The following UGT2B17 variants were observed in gnomAD, a reference collection of about 807,000 sequenced individuals.
UGT2B17 encodes UDP glucuronosyltransferase family 2 member B17.
UGT2B17 carries 21 observed loss-of-function variants against 48.2 expected under a neutral mutation model. The ratio of observed to expected loss-of-function variants is 0.44; its 90% CI spans 0.31 to 0.63. UGT2B17 has a LOEUF of 0.63. Ranked by LOEUF, UGT2B17 falls within the 20% of genes least tolerant of loss-of-function variation. UGT2B17 has a pLI of 0.08. For missense variants in UGT2B17, 402 were observed against 696.1 expected (o/e 0.58, Z 4.75); for synonymous variants, 146 against 238.4 (o/e 0.61, Z 3.57).
rs1428061793 is a variant in UGT2B17, at chr4:68,540,480, T to A, written c.1314-2576A>T. Among the ~76,000 whole-genome samples, 8 of 125,680 alleles carry A rather than the reference T, an allele frequency of 6.4e-5. 2 individuals carry two copies. The highest frequency in any genetic ancestry group is 1.2e-4 in the Non-Finnish European group (7 of 59,272). 82.5% of individuals were successfully genotyped at this position (125,680 alleles called of 152,430 possible). A position where few individuals can be genotyped will look rare whatever the true frequency, so the allele number is the denominator to read the frequency against. On this transcript the variant is annotated intron_variant, in intron 6 of 6. Transcript: ENST00000317746. The stretch of plus-strand genomic sequence containing the variant: ...CTGGGACTACAGGTGCACACCACCA[T>A]GCCTAGCTAATTTTTGTATTTTTAG...
At position 68,545,382 on chromosome 4, in the gene UGT2B17, C is replaced by A. The variant is rs1730778475; in HGVS notation, c.1313+5295G>T. On this transcript the variant is annotated intron_variant, in intron 6 of 6. Transcript: ENST00000317746. ...AGATGTTCTTTGAAACCAACGAGAA[C>A]AAAGACACAACATACCAGAATCTCT... Among the ~76,000 whole-genome samples, 2 of 125,146 alleles carry A rather than the reference C, an allele frequency of 1.6e-5. 1 individual carries two copies. The highest frequency in any genetic ancestry group is 3.4e-5 in the Non-Finnish European group (2 of 59,318). 82.1% of individuals were successfully genotyped at this position (125,146 alleles called of 152,430 possible).
In UGT2B17 at chr4:68,574,099, T is replaced by A. The variant is rs539958634; in HGVS notation, c.-65+1852A>T. ...ACAATTGCTTTTGTTTATTGTGTAGTTGGAATATTTGATCCATTTCAACCA... is the reference window on the plus strand; with the variant it reads ...ACAATTGCTTTTGTTTATTGTGTAGATGGAATATTTGATCCATTTCAACCA... On this transcript the variant is annotated intron_variant, in intron 1 of 6. Coordinates refer to ENST00000317746, the MANE Select transcript of UGT2B17 (RefSeq NM_001077.4). Among the ~76,000 whole-genome samples the A allele has an allele frequency of 3.3e-4, 42 of 127,088 alleles. 10 individuals are homozygous for A. Among genetic ancestry groups the A allele is most frequent in the African/African-American group, 1.1e-3 (40 of 37,022 alleles). The allele number at this position is 127,088 out of a possible 152,430, so 83.4% of individuals were successfully genotyped here.
In UGT2B17 at chr4:68,575,976, G is replaced by A. The variant is rs777519324; in HGVS notation, c.-90C>T. Among the ~76,000 whole-genome samples the A allele has an allele frequency of 8.7e-5, 11 of 126,826 alleles. 1 individual carries two copies. The highest frequency in any genetic ancestry group is 1.8e-4 in the Non-Finnish European group (11 of 59,720). The allele number at this position is 126,826 out of a possible 152,430, so 83.2% of individuals were successfully genotyped here. A position where few individuals can be genotyped will look rare whatever the true frequency, so the allele number is the denominator to read the frequency against. On this transcript the variant is annotated 5_prime_UTR_variant, in exon 1 of 7. Coordinates refer to ENST00000317746, the MANE Select transcript of UGT2B17 (RefSeq NM_001077.4). ...CAAGTTCCAGATGTCCAGACTCCAA[G>A]TGCCAGTTCCTTCCCGGTGTTCAGC...
intron 5 of UGT2B17, among the ~76,000 whole-genome samples, 154 bp downstream of exon 5, chr4:68,551,670 T>C (rs756326189): frequency 1.6e-5 from 2 of 126,954 alleles, no homozygotes; most frequent in Non-Finnish European, 3.3e-5. Flanking sequence ...ATTCTTCTTA[T>C]ACTAAGACTA....
intron 3 of UGT2B17, among the ~76,000 whole-genome samples, chr4:68,563,803 C>T (rs1731145358): frequency 1.6e-5 from 2 of 125,662 alleles, no homozygotes; most frequent in Non-Finnish European, 3.4e-5. Context: ...GTTCAACTGA[C>T]TGCCCAAACT....
chr4:68,538,937 C>T, intron 6 of UGT2B17, among the ~76,000 whole-genome samples: 1 of 125,692 alleles, frequency 8.0e-6, no homozygotes, highest in Non-Finnish European at 1.7e-5. Flanking sequence ...TTGAGGTTTG[C>T]TTCTATTTCT....
chr4:68,557,198 A>G lies in UGT2B17; in HGVS notation c.1005+3339T>C, dbSNP rs559800816. ...TTAAGTTATTGTGTGCCACAGAGGT[A>G]ACAAATTTCCTTGTCCATTGTGTCT... is the stretch of plus-strand genomic sequence containing the variant. On this transcript the variant is annotated intron_variant, in intron 4 of 6. Coordinates refer to ENST00000317746, the MANE Select transcript of UGT2B17 (RefSeq NM_001077.4). Among the ~76,000 whole-genome samples the G allele has an allele frequency of 3.9e-4, 49 of 125,520 alleles. 13 individuals are homozygous for G. The South Asian group carries it at 0.015, about 38-fold the overall frequency. 82.3% of individuals were successfully genotyped at this position (125,520 alleles called of 152,430 possible). A position where few individuals can be genotyped will look rare whatever the true frequency, so the allele number is the denominator to read the frequency against.
At chr4:68,539,811 G>A (rs1560573888) in intron 6 of UGT2B17, among the ~76,000 whole-genome samples, 1 of 99,288 alleles carries the variant, frequency 1.0e-5, no homozygotes, top group Non-Finnish European at 2.0e-5. Flanking sequence ...TTGAGACAGA[G>A]TCTCTCTCTG....
chr4:68,569,456 G>T (rs1193743818), intron 1 of UGT2B17, among the ~76,000 whole-genome samples: 1 of 125,550 alleles, frequency 8.0e-6, no homozygotes, highest in African/African-American at 2.7e-5. Flanking sequence ...TAGCAGAAAG[G>T]TACTGGGAGC....
intron 3 of UGT2B17, among the ~76,000 whole-genome samples, chr4:68,563,826 T>C (rs1731145791): frequency 7.9e-6 from 1 of 126,176 alleles, no homozygotes; most frequent in Non-Finnish European, 1.7e-5. Flanking sequence ...AACATTTATA[T>C]TTAAACAAGC....
rs186146560 is a variant in UGT2B17 at position 68,548,704 on chromosome 4, G to A, written c.1313+1973C>T. Among the ~76,000 whole-genome samples, 109 of 125,252 alleles carry A rather than the reference G, an allele frequency of 8.7e-4. 26 individuals carry two copies. Among genetic ancestry groups the A allele is most frequent in the Non-Finnish European group, 1.2e-3 (72 of 59,296 alleles). 82.2% of individuals were successfully genotyped at this position (125,252 alleles called of 152,430 possible). ...TCAGCAGGGTTTTCTATTTCTCCTT[G>A]AAGAGGTCCTTCACGTACCTTGTTA... On this transcript the variant is annotated intron_variant, in intron 6 of 6. Coordinates refer to ENST00000317746, the MANE Select transcript of UGT2B17 (RefSeq NM_001077.4).
Position 68,542,483 on chromosome 4 carries a change from A to T in UGT2B17, c.1314-4579T>A, listed in dbSNP as rs1730683246. On this transcript the variant is annotated intron_variant, in intron 6 of 6. Transcript: ENST00000317746. ...GAAGAAGCCAAGATGGCCGAATAAG[A>T]ACAGCTCCAGTCTACAGCTCCCAGT... Among the ~76,000 whole-genome samples, 2 of 126,782 alleles carry T rather than the reference A, an allele frequency of 1.6e-5. 1 individual carries two copies. Among genetic ancestry groups the T allele is most frequent in the Admixed American group, 1.6e-4 (2 of 12,484 alleles). The allele number at this position is 126,782 out of a possible 152,430, so 83.2% of individuals were successfully genotyped here. A position where few individuals can be genotyped will look rare whatever the true frequency, so the allele number is the denominator to read the frequency against.
Position 68,568,398 on chromosome 4 carries a change from C to T in UGT2B17, c.87G>A (p.Trp29Ter). ...SSGSCGKVLV[W>*]PTEYSHWINM... Reference sequence around the variant, plus strand: ...TTATCCAATGGCTGTATTCTGTGGGCCACACCAGCACCTTTCCACAACTCC... The same window carrying T: ...TTATCCAATGGCTGTATTCTGTGGGTCACACCAGCACCTTTCCACAACTCC... The change falls in exon 2 of 7, where the codon TGG (tryptophan) becomes TGA (stop). Residue 29 changes from tryptophan to a stop codon, truncating the protein, a stop_gained. Coordinates refer to ENST00000317746, the MANE Select transcript of UGT2B17 (RefSeq NM_001077.4). LOFTEE classifies it high-confidence loss of function. 7.3e-7 allele frequency: 1 copy of T among 1,377,430 alleles called. No individual in the cohort carries two copies. Among genetic ancestry groups the T allele is most frequent in the Non-Finnish European group, 9.5e-7 (1 of 1,054,600 alleles). 85.3% of individuals were successfully genotyped at this position (1,377,430 alleles called of 1,614,324 possible).
At chr4:68,568,947 G>T (rs1322821463) in intron 1 of UGT2B17, among the ~76,000 whole-genome samples, 1 of 139,646 alleles carries the variant, frequency 7.2e-6, no homozygotes, top group African/African-American at 2.5e-5. Context: ...ACAATAATCA[G>T]TATTATCTCC....
In UGT2B17 at chr4:68,572,716, C is replaced by A. The variant is rs1160813247; in HGVS notation, c.-65+3235G>T. Among the ~76,000 whole-genome samples the A allele has an allele frequency of 1.6e-5, 2 of 126,868 alleles. 1 individual carries two copies. Among genetic ancestry groups the A allele is most frequent in the Non-Finnish European group, 3.3e-5 (2 of 59,742 alleles). The allele number at this position is 126,868 out of a possible 152,430, so 83.2% of individuals were successfully genotyped here. ...AGTGACTTGATGTATATACTGGAAACAGTTCTTAGTCTGAGGAAGGTCAGT... is the reference window on the plus strand; with the variant it reads ...AGTGACTTGATGTATATACTGGAAAAAGTTCTTAGTCTGAGGAAGGTCAGT... On this transcript the variant is annotated intron_variant, in intron 1 of 6. Transcript: ENST00000317746.
At chr4:68,568,968 A>G (rs1253220161) in intron 1 of UGT2B17, among the ~76,000 whole-genome samples, 6 of 139,116 alleles carry the variant, frequency 4.3e-5, no homozygotes. Flanking sequence ...AAAAGATTCT[A>G]TACAATAGCC....
rs1730600676 is a variant in UGT2B17, at chr4:68,538,710, G to T, written c.1314-806C>A. Among the ~76,000 whole-genome samples, 2 of 126,180 alleles carry T rather than the reference G, an allele frequency of 1.6e-5. 1 individual carries two copies. Among genetic ancestry groups the T allele is most frequent in the Non-Finnish European group, 3.4e-5 (2 of 59,652 alleles). The allele number at this position is 126,180 out of a possible 152,430, so 82.8% of individuals were successfully genotyped here. ...AGTTGCCTGTCAAGATTTCCATCTG[G>T]TTTCTTGTTACATTAAGAATAAAAT... On this transcript the variant is annotated intron_variant, in intron 6 of 6. Coordinates refer to ENST00000317746, the MANE Select transcript of UGT2B17 (RefSeq NM_001077.4).
chr4:68,539,636 A>G (rs1730617475), intron 6 of UGT2B17, among the ~76,000 whole-genome samples: 1 of 124,174 alleles, frequency 8.1e-6, no homozygotes, highest in African/African-American at 2.7e-5. Context: ...GATTGTTTTT[A>G]GTTATCATTT....
At position 68,550,098 on chromosome 4, in the gene UGT2B17, C is replaced by T. The variant is rs1730888255; in HGVS notation, c.1313+579G>A. Among the ~76,000 whole-genome samples the T allele has an allele frequency of 1.6e-5, 2 of 124,506 alleles. 1 individual carries two copies. The highest frequency in any genetic ancestry group is 7.5e-4 in the South Asian group (2 of 2,678). 81.7% of individuals were successfully genotyped at this position (124,506 alleles called of 152,430 possible). A position where few individuals can be genotyped will look rare whatever the true frequency, so the allele number is the denominator to read the frequency against. ...TAATCTATTGAGAAACAAAGTAAGT[C>T]GGTATTTTTCTAGGACTGGAGGTGT... is the stretch of plus-strand genomic sequence containing the variant. On this transcript the variant is annotated intron_variant, in intron 6 of 6. Transcript: ENST00000317746.
Sources: gnomAD v4.1 joint callset for allele counts (sites outside exome capture counted in the v4.1 genomes callset) on GRCh38, gnomAD v4.1.1 for gene constraint, MANE v1.5 for transcripts, NCBI Gene and HGNC (gene_info 2026-07-23, HGNC 2026-07-21) for gene names.